KSR2: variants seen among roughly 807,000 people sequenced by gnomAD.
KSR2 encodes kinase suppressor of ras 2.
KSR2 carries 25 observed loss-of-function variants against 107.8 expected under a neutral mutation model. The ratio of observed to expected loss-of-function variants is 0.23; its 90% CI spans 0.17 to 0.32. The LOEUF is 0.32. Ranked by LOEUF, KSR2 falls within the 10% of genes least tolerant of loss-of-function variation. The pLI, the probability that KSR2 is intolerant of heterozygous loss-of-function variation, is 1.00. For synonymous variants in KSR2, 480 were observed against 507.0 expected, an observed-to-expected ratio of 0.95 and a Z score of 0.71; for missense variants, 887 against 1,268.9, an observed-to-expected ratio of 0.70 and a Z score of 4.57.
At chr12:117,724,034 T>C (rs1565980021) in intron 4 of KSR2, among the ~76,000 whole-genome samples, 2 of 152,014 alleles carry the variant, frequency 1.3e-5, no homozygotes, top group Non-Finnish European at 1.5e-5. Flanking sequence ...GGGCTGGGCG[T>C]AGTGGCTCAC....
intron 4 of KSR2, among the ~76,000 whole-genome samples, chr12:117,758,295 T>A (rs569758695): frequency 6.6e-6 from 1 of 152,182 alleles, no homozygotes; most frequent in South Asian, 2.1e-4. Context: ...AGAATTCACC[T>A]CTACCCATGA....
At chr12:117,745,462 C>T (rs1272446848) in intron 4 of KSR2, among the ~76,000 whole-genome samples, 4 of 152,050 alleles carry the variant, frequency 2.6e-5, no homozygotes, top group Admixed American at 2.6e-4. Context: ...AGGTTAATAT[C>T]TAAAATATAT....
chr12:117,564,211 C>G (rs1878311509), intron 7 of KSR2, among the ~76,000 whole-genome samples: 1 of 152,170 alleles, frequency 6.6e-6, no homozygotes, highest in Non-Finnish European at 1.5e-5. Context: ...AGATATGGGC[C>G]AGGAGGAGCC....
intron 10 of KSR2, among the ~76,000 whole-genome samples, chr12:117,532,195 A>T (rs569060152): frequency 3.3e-5 from 5 of 152,324 alleles, no homozygotes; most frequent in Non-Finnish European, 7.3e-5. Context: ...AAAACAACAC[A>T]AATGTATCCT....
rs575749246 is a variant in KSR2 at position 117,756,864 on chromosome 12, G to A, written c.986+4147C>T. On this transcript the variant is annotated intron_variant, in intron 4 of 19. Coordinates refer to ENST00000339824, the MANE Select transcript of KSR2 (RefSeq NM_173598.6). Reference sequence around the variant, plus strand: ...GAGGTCAGGAATTTAAGACCAGTTTGGCCAACATGATGAAACTCCATCTCT... The same window carrying A: ...GAGGTCAGGAATTTAAGACCAGTTTAGCCAACATGATGAAACTCCATCTCT... Among the ~76,000 whole-genome samples, 3 of 152,206 alleles carry A rather than the reference G, an allele frequency of 2.0e-5. No individual in the cohort carries two copies. The East Asian group carries it at 5.8e-4, about 29-fold the overall frequency.
chr12:117,594,539 G>A (rs1177273533), intron 5 of KSR2, among the ~76,000 whole-genome samples: 1 of 148,268 alleles, frequency 6.7e-6, no homozygotes, highest in Non-Finnish European at 1.5e-5. Flanking sequence ...GCCTGCTGAG[G>A]CGACAGGGTT....
chr12:117,593,184 A>T (rs1880427069), intron 5 of KSR2, among the ~76,000 whole-genome samples: 1 of 152,156 alleles, frequency 6.6e-6, no homozygotes, highest in South Asian at 2.1e-4. Flanking sequence ...CCAAAGGAAA[A>T]TGCTAATTCA....
chr12:117,926,379 A>G (rs1895519455), intron 1 of KSR2, among the ~76,000 whole-genome samples: 2 of 152,224 alleles, frequency 1.3e-5, no homozygotes, highest in Admixed American at 1.3e-4. Context: ...ATTACGTGCA[A>G]AGCACCCCAA....
chr12:117,657,986 A>T (rs1565947679), intron 5 of KSR2, among the ~76,000 whole-genome samples: 1 of 152,266 alleles, frequency 6.6e-6, no homozygotes, highest in Non-Finnish European at 1.5e-5. Flanking sequence ...GGTGTAACTG[A>T]TCTAACTTAG....
chr12:117,579,516 T>C (rs951000402), intron 6 of KSR2, among the ~76,000 whole-genome samples: 21 of 152,212 alleles, frequency 1.4e-4, no homozygotes, highest in African/African-American at 3.6e-4. Context: ...ACTATTACCT[T>C]GAACTTTCGT....
intron 4 of KSR2, chr12:117,674,355 T>C (rs1310445830): frequency 6.3e-6 from 3 of 479,606 alleles, no homozygotes; most frequent in South Asian, 3.0e-5. Context: ...TTTTTTGTTA[T>C]ACTAAAGTGA....
intron 1 of KSR2, among the ~76,000 whole-genome samples, chr12:117,929,874 T>A (rs1895648213): frequency 6.6e-6 from 1 of 152,096 alleles, no homozygotes; most frequent in Non-Finnish European, 1.5e-5. Context: ...AATGGAGAGT[T>A]CTTGTTTAAT....
At chr12:117,600,535 TCATTCTC>T (rs1204545031) in intron 5 of KSR2, among the ~76,000 whole-genome samples, 1 of 152,184 alleles carries the variant, frequency 6.6e-6, no homozygotes, top group African/African-American at 2.4e-5. Context: ...TTCAATGTGA[TCATTCTC>T]GCTTATGTAC....
chr12:117,832,607 C>T (rs568294433), intron 3 of KSR2, among the ~76,000 whole-genome samples: 2 of 152,340 alleles, frequency 1.3e-5, no homozygotes, highest in South Asian at 2.1e-4. Context: ...AGGCCAGTAG[C>T]TGCCTGATGT....
intron 4 of KSR2, among the ~76,000 whole-genome samples, chr12:117,704,027 A>C (rs1485476081): frequency 6.6e-6 from 1 of 152,174 alleles, no homozygotes; most frequent in Non-Finnish European, 1.5e-5. Flanking sequence ...TCAGGGCATT[A>C]TTTGATCTGT....
chr12:117,750,268 A>T (rs76662263), intron 4 of KSR2, among the ~76,000 whole-genome samples: 1 of 149,964 alleles, frequency 6.7e-6, no homozygotes, highest in Admixed American at 6.6e-5. Flanking sequence ...AAAAAAAAAA[A>T]AGAAGAACTT....
Position 117,481,202 on chromosome 12 carries a change from A to G in KSR2, c.2450+3214T>C, listed in dbSNP as rs1352179129. Among the ~76,000 whole-genome samples, 4 of 152,226 alleles carry G rather than the reference A, an allele frequency of 2.6e-5. No individual in the cohort carries two copies. The East Asian group carries it at 7.7e-4, about 29-fold the overall frequency. Reference sequence around the variant, plus strand: ...CATTTTACAGGTGAGGAAACTAAGGATCAGGGAACCAGGTGTGTGTTAAAC... The same window carrying G: ...CATTTTACAGGTGAGGAAACTAAGGGTCAGGGAACCAGGTGTGTGTTAAAC... On this transcript the variant is annotated intron_variant, in intron 16 of 19. Coordinates refer to ENST00000339824, the MANE Select transcript of KSR2 (RefSeq NM_173598.6).
intron 4 of KSR2, among the ~76,000 whole-genome samples, chr12:117,710,518 T>C (rs1886724115): frequency 6.6e-6 from 1 of 152,098 alleles, no homozygotes. Flanking sequence ...GAGCAGAGGG[T>C]AAACAGAGGC....
In KSR2 at chr12:117,607,645, AGG is replaced by A. The variant is rs1881348431; in HGVS notation, c.1172-25288_1172-25287del. 5.3e-5 allele frequency among the ~76,000 whole-genome samples: 7 copies of A among 131,836 alleles called. 1 individual carries two copies. Among genetic ancestry groups the A allele is most frequent in the African/African-American group, 2.2e-4 (7 of 32,356 alleles). The allele number at this position is 131,836 out of a possible 152,430, so 86.5% of individuals were successfully genotyped here. A position where few individuals can be genotyped will look rare whatever the true frequency, so the allele number is the denominator to read the frequency against. On this transcript the variant is annotated intron_variant, in intron 5 of 19. Transcript: ENST00000339824. ...GCCTGCATCCACAGACCTCCCGGAGAGGGGAGGAAAGGAGAGGAGAGGAGAGG... is the reference window on the plus strand; with the variant it reads ...GCCTGCATCCACAGACCTCCCGGAGAGGAGGAAAGGAGAGGAGAGGAGAGG...
Sources: allele counts gnomAD v4.1 joint callset (sites outside exome capture counted in the v4.1 genomes callset), GRCh38; gene constraint gnomAD v4.1.1; transcripts MANE v1.5; gene names NCBI Gene and HGNC (gene_info 2026-07-23, HGNC 2026-07-21).